The following NRCAM variants were observed in gnomAD, a reference collection of about 807,000 sequenced individuals.
NRCAM encodes the protein NgCAM-related cell adhesion molecule.
A neutral mutation model predicts 156.5 loss-of-function variants in NRCAM; 83 were observed. The observed-to-expected ratio is 0.53, with a 90% confidence interval of 0.44 to 0.64. The LOEUF (loss-of-function observed/expected upper bound fraction) is 0.64, where lower values mean the gene tolerates loss of function less well. Among genes scored for constraint, NRCAM ranks in the 30% least tolerant of loss-of-function variants. The pLI is 0.00. For missense variants in NRCAM, 1,417 were observed against 1,597.3 expected (o/e 0.89, Z 1.92); for synonymous variants, 538 against 563.9 (o/e 0.95, Z 0.65).
At position 108,324,967 on chromosome 7, in the gene NRCAM, C is replaced by T. The variant is rs77841004; in HGVS notation, c.-173-12236G>A. Among the ~76,000 whole-genome samples the T allele has an allele frequency of 8.9e-5, 13 of 145,936 alleles. No homozygotes were observed. In the East Asian group the frequency reaches 2.6e-3, roughly 30 times the overall value. On this transcript the variant is annotated intron_variant, in intron 2 of 32. Transcript: ENST00000379028. ...ACCAGGCAAACCTAACCCTTGAGGC[C>T]CTGATTACTTAAAAACAATAGGAGT... is the stretch of plus-strand genomic sequence containing the variant.
At chr7:108,453,010 T>C (rs761893489) in intron 1 of NRCAM, among the ~76,000 whole-genome samples, 37 of 147,940 alleles carry the variant, frequency 2.5e-4, no homozygotes, top group Admixed American at 1.3e-3. Context: ...TCATCGGCTA[T>C]GCATTTGTGA....
chr7:108,356,854 T>C (rs2300031), intron 2 of NRCAM, among the ~76,000 whole-genome samples: 14,406 of 150,804 alleles, frequency 0.096, 868 homozygotes, highest in African/African-American at 0.17. Context: ...TCCCAACCCT[T>C]AACGTGATGG....
chr7:108,195,799 G>C lies in NRCAM; in HGVS notation c.1425C>G (p.Asp475Glu). Residue 475 changes from aspartate to glutamate, a missense_variant, in exon 15 of 33, where the codon GAC becomes GAG. Around this residue, in one of 2 missense-constraint regions of NRCAM, gnomAD observed 1,238 missense variants for 1,336.4 expected, o/e 0.93. Transcript: ENST00000379028. ...QVIANRPALL[D>E]CAFFGSPLPT... ...GGAGAGGAGACCCAAAGAAGGCACA[G>C]TCTAGTAAAGCAGGCCTGTTTGCAA... The C allele has an allele frequency of 6.2e-7, 1 of 1,613,262 alleles. No individual in the cohort carries two copies. The highest frequency in any genetic ancestry group is 8.5e-7 in the Non-Finnish European group (1 of 1,179,364).
chr7:108,385,313 C>T (rs2099736805), intron 2 of NRCAM, among the ~76,000 whole-genome samples: 1 of 152,218 alleles, frequency 6.6e-6, no homozygotes, highest in East Asian at 1.9e-4. Context: ...AATATACCTA[C>T]AGTCTAATAA....
At chr7:108,174,358 T>C (rs996652711) in intron 28 of NRCAM, among the ~76,000 whole-genome samples, 3 of 152,220 alleles carry the variant, frequency 2.0e-5, no homozygotes, top group African/African-American at 7.2e-5. Flanking sequence ...AAGTCTAAGC[T>C]CACAGGAGTT....
intron 1 of NRCAM, among the ~76,000 whole-genome samples, chr7:108,413,390 T>C (rs1266753945): frequency 2.0e-5 from 3 of 152,230 alleles, no homozygotes; most frequent in Admixed American, 1.3e-4. Flanking sequence ...CTTCTTGTTA[T>C]TGAGTTGTTT....
intron 18 of NRCAM, 146 bp from the exon 19 acceptor site, chr7:108,191,429 T>C: frequency 1.5e-6 from 1 of 655,770 alleles, no homozygotes; most frequent in Non-Finnish European, 2.5e-6. Context: ...TTGATAAACA[T>C]GCAGTAACAA....
chr7:108,156,307 G>A (rs185717198), intron 32 of NRCAM: 1 of 985,228 alleles, frequency 1.0e-6, no homozygotes, highest in East Asian at 1.1e-4. Context: ...ATGAGTTCAA[G>A]TAACATGGGC....
At chr7:108,353,021 T>C (rs2099430142) in intron 2 of NRCAM, among the ~76,000 whole-genome samples, 1 of 151,922 alleles carries the variant, frequency 6.6e-6, no homozygotes, top group African/African-American at 2.4e-5. Flanking sequence ...CATGTATTTT[T>C]TTAAATTATA....
intron 3 of NRCAM, among the ~76,000 whole-genome samples, chr7:108,257,921 GCCT>G (rs1375277180): frequency 3.3e-5 from 5 of 152,020 alleles, no homozygotes; most frequent in Non-Finnish European, 7.4e-5. Flanking sequence ...GTGCCACACT[GCCT>G]CCTCTTTGTC....
At chr7:108,422,502 C>T (rs1811328514) in intron 1 of NRCAM, among the ~76,000 whole-genome samples, 1 of 152,112 alleles carries the variant, frequency 6.6e-6, no homozygotes, top group African/African-American at 2.4e-5. Context: ...ATCTTTCAAA[C>T]AAACTGAGAC....
rs540192476 is a variant in NRCAM, at chr7:108,194,524, A to G, written c.1464-96T>C. On this transcript the variant is annotated intron_variant, in intron 15 of 32. Transcript: ENST00000379028. ...GTTCAAGGTCAACATGACCATGATGAATGTGAAAGTTGCAAGGCTAGAAGG... is the reference window on the plus strand; with the variant it reads ...GTTCAAGGTCAACATGACCATGATGGATGTGAAAGTTGCAAGGCTAGAAGG... 1.0e-4 allele frequency: 83 copies of G among 802,606 alleles called. No homozygotes were observed. In the East Asian group the frequency reaches 2.2e-3, roughly 21 times the overall value. 49.7% of individuals were successfully genotyped at this position (802,606 alleles called of 1,614,324 possible). A position where few individuals can be genotyped will look rare whatever the true frequency, so the allele number is the denominator to read the frequency against.
intron 22 of NRCAM, 47 bp downstream of exon 22, chr7:108,184,194 T>C: frequency 6.6e-7 from 1 of 1,509,020 alleles, no homozygotes; most frequent in East Asian, 2.3e-5. Context: ...ACAACTTTTT[T>C]TTCACTCTAA....
chr7:108,317,684 T>C (rs942569473), intron 2 of NRCAM, among the ~76,000 whole-genome samples: 14 of 152,008 alleles, frequency 9.2e-5, no homozygotes, highest in Admixed American at 7.9e-4. Context: ...TTGAGGCAGG[T>C]GCATCACTTG....
At chr7:108,184,119 T>C in intron 22 of NRCAM, 122 bp downstream of exon 22, 1 of 530,488 alleles carries the variant, frequency 1.9e-6, no homozygotes. Flanking sequence ...TCTTTATATA[T>C]ATATATATAT....
At chr7:108,256,224 A>G (rs1374325686) in intron 3 of NRCAM, among the ~76,000 whole-genome samples, 5 of 151,136 alleles carry the variant, frequency 3.3e-5, no homozygotes, top group Non-Finnish European at 7.4e-5. Context: ...TCAGATTGTT[A>G]CTGTGTCTGT....
At chr7:108,361,403 G>A (rs2099549608) in intron 2 of NRCAM, among the ~76,000 whole-genome samples, 1 of 152,208 alleles carries the variant, frequency 6.6e-6, no homozygotes, top group South Asian at 2.1e-4. Flanking sequence ...ATTTAAATCA[G>A]TAGTCTGAGT....
At chr7:108,243,429 G>A (rs186823061) in intron 3 of NRCAM, among the ~76,000 whole-genome samples, 6 of 152,278 alleles carry the variant, frequency 3.9e-5, no homozygotes, top group Admixed American at 2.0e-4. Context: ...TGATATTGAC[G>A]TCAATTCTTT....
chr7:108,422,377 T>C (rs1315305747), intron 1 of NRCAM, among the ~76,000 whole-genome samples: 1 of 152,054 alleles, frequency 6.6e-6, no homozygotes, highest in Non-Finnish European at 1.5e-5. Context: ...TTTTCACACA[T>C]TAAAAAAACA....
Sources: allele counts gnomAD v4.1 joint callset (sites outside exome capture counted in the v4.1 genomes callset), GRCh38; gene constraint gnomAD v4.1.1; regional missense constraint gnomAD v4.1.1; transcripts MANE v1.5; gene names NCBI Gene and HGNC (gene_info 2026-07-23, HGNC 2026-07-21).